NKAIN2: variants seen among roughly 807,000 people sequenced by gnomAD.
The protein encoded by NKAIN2 is sodium/potassium-transporting ATPase subunit beta-1-interacting protein 2.
A neutral mutation model predicts 32.6 loss-of-function variants in NKAIN2; 14 were observed. The observed-to-expected ratio is 0.43, with a 90% CI of 0.28 to 0.67. The LOEUF (loss-of-function observed/expected upper bound fraction) is 0.67. Among genes scored for constraint, NKAIN2 ranks in the 30% least tolerant of loss-of-function variants. The pLI is 0.17. For synonymous variants in NKAIN2, 80 were observed against 87.2 expected (o/e 0.92, Z 0.46); for missense variants, 198 against 258.3 (o/e 0.77, Z 1.60).
At chr6:124,138,744 C>G (rs1786973512) in intron 1 of NKAIN2, among the ~76,000 whole-genome samples, 1 of 144,132 alleles carries the variant, frequency 6.9e-6, no homozygotes, top group South Asian at 2.2e-4. Context: ...TATGATGGAA[C>G]AGTGTTCAGC....
intron 1 of NKAIN2, among the ~76,000 whole-genome samples, chr6:123,911,787 A>ATATT (rs1554222342): frequency 1.4e-5 from 1 of 71,282 alleles, no homozygotes; most frequent in East Asian, 5.6e-4. Context: ...ACATACATAT[A>ATATT]TATATATATA....
At chr6:124,078,260 C>A (rs967913756) in intron 1 of NKAIN2, among the ~76,000 whole-genome samples, 3 of 151,826 alleles carry the variant, frequency 2.0e-5, no homozygotes, top group African/African-American at 7.3e-5. Flanking sequence ...TTAGATTTTA[C>A]AGTTGTTGCT....
At chr6:124,807,023 C>A (rs1257783786) in intron 5 of NKAIN2, among the ~76,000 whole-genome samples, 2 of 152,244 alleles carry the variant, frequency 1.3e-5, no homozygotes, top group Non-Finnish European at 2.9e-5. Context: ...GACTTACACT[C>A]CCACACATTA....
intron 1 of NKAIN2, among the ~76,000 whole-genome samples, chr6:124,204,257 C>A (rs930837738): frequency 4.6e-5 from 7 of 151,718 alleles, no homozygotes; most frequent in Non-Finnish European, 1.0e-4. Flanking sequence ...TTACATTTTG[C>A]AAAAGTTGAC....
chr6:123,999,425 A>G (rs1410888928), intron 1 of NKAIN2, among the ~76,000 whole-genome samples: 1 of 152,130 alleles, frequency 6.6e-6, no homozygotes, highest in Non-Finnish European at 1.5e-5. Flanking sequence ...CACTTGGCCT[A>G]CTGTATTGCT....
intron 4 of NKAIN2, among the ~76,000 whole-genome samples, chr6:124,708,273 T>C (rs1054120454): frequency 2.0e-5 from 3 of 150,856 alleles, no homozygotes; most frequent in Admixed American, 6.6e-5. Flanking sequence ...AGTCAGGTAG[T>C]GTGATGCCTC....
In NKAIN2 at chr6:124,713,702, A is replaced by G. The variant is rs571390577; in HGVS notation, c.474+55316A>G. 1.2e-4 allele frequency among the ~76,000 whole-genome samples: 19 copies of G among 152,324 alleles called. No homozygotes were observed. In the South Asian group the frequency reaches 3.9e-3, roughly 32 times the overall value. On this transcript the variant is annotated intron_variant, in intron 4 of 6. Coordinates refer to ENST00000368417, the MANE Select transcript of NKAIN2 (RefSeq NM_001040214.3). ...GGTGGCTGTCTTCACATGTTAGAAA[A>G]GCAGTCTTTTAGAAGAGGAATAAGT...
intron 1 of NKAIN2, among the ~76,000 whole-genome samples, chr6:124,066,334 C>T (rs189778272): frequency 3.3e-5 from 5 of 152,234 alleles, no homozygotes; most frequent in Admixed American, 2.6e-4. Flanking sequence ...TCAAGCATTG[C>T]ACCCATTTTG....
intron 1 of NKAIN2, among the ~76,000 whole-genome samples, chr6:124,042,761 A>G (rs1432092814): frequency 1.3e-5 from 2 of 152,110 alleles, no homozygotes; most frequent in African/African-American, 4.8e-5. Flanking sequence ...AAATTTTAAG[A>G]AACTTGGAGA....
At chr6:124,708,716 T>G (rs1775250773) in intron 4 of NKAIN2, among the ~76,000 whole-genome samples, 2 of 152,146 alleles carry the variant, frequency 1.3e-5, no homozygotes, top group Admixed American at 6.5e-5. Flanking sequence ...TGAAGTTGCT[T>G]ATCAGCTTAA....
intron 1 of NKAIN2, among the ~76,000 whole-genome samples, chr6:123,875,947 A>G (rs966920338): frequency 6.6e-6 from 1 of 152,088 alleles, no homozygotes; most frequent in Non-Finnish European, 1.5e-5. Flanking sequence ...TATATACCCC[A>G]GGAAGTTTCA....
At chr6:124,616,096 G>C (rs1782876038) in intron 3 of NKAIN2, among the ~76,000 whole-genome samples, 1 of 151,588 alleles carries the variant, frequency 6.6e-6, no homozygotes, top group Admixed American at 6.6e-5. Flanking sequence ...TTTTTCTTTT[G>C]TATTCTTCCC....
chr6:124,033,075 GCAAA>G (rs1386142998), intron 1 of NKAIN2, among the ~76,000 whole-genome samples: 1 of 152,064 alleles, frequency 6.6e-6, no homozygotes, highest in African/African-American at 2.4e-5. Flanking sequence ...CCAGAGGAAA[GCAAA>G]TAGATTTCTC....
At chr6:124,101,549 T>C (rs1192679094) in intron 1 of NKAIN2, among the ~76,000 whole-genome samples, 1 of 152,164 alleles carries the variant, frequency 6.6e-6, no homozygotes, top group Non-Finnish European at 1.5e-5. Context: ...TTGTTATAAA[T>C]TTATTCTTGA....
intron 1 of NKAIN2, among the ~76,000 whole-genome samples, chr6:124,154,620 A>G (rs1458123004): frequency 6.6e-6 from 1 of 152,022 alleles, no homozygotes; most frequent in Non-Finnish European, 1.5e-5. Flanking sequence ...GTATATATTT[A>G]AAGTGTAAGC....
intron 1 of NKAIN2, among the ~76,000 whole-genome samples, chr6:123,885,465 G>A (rs572860963): frequency 6.6e-6 from 1 of 152,182 alleles, no homozygotes; most frequent in South Asian, 2.1e-4. Flanking sequence ...TTTTGTCATT[G>A]ATCAGATTTT....
chr6:124,012,614 A>G (rs1780388544), intron 1 of NKAIN2, among the ~76,000 whole-genome samples: 1 of 152,014 alleles, frequency 6.6e-6, no homozygotes, highest in Non-Finnish European at 1.5e-5. Flanking sequence ...GATTATAGGC[A>G]TACTCTACAT....
intron 1 of NKAIN2, among the ~76,000 whole-genome samples, chr6:124,195,138 A>C (rs1427425136): frequency 1.3e-5 from 2 of 151,724 alleles, no homozygotes; most frequent in Admixed American, 6.6e-5. Flanking sequence ...TACTTATTAT[A>C]TTCCTTTGAA....
At chr6:124,604,505 T>C (rs1782425592) in intron 3 of NKAIN2, among the ~76,000 whole-genome samples, 1 of 151,944 alleles carries the variant, frequency 6.6e-6, no homozygotes, top group South Asian at 2.1e-4. Flanking sequence ...TTTACTTCTT[T>C]TTGTGTCTTC....
Sources: gnomAD v4.1 joint callset for allele counts (sites outside exome capture counted in the v4.1 genomes callset) on GRCh38, gnomAD v4.1.1 for gene constraint, MANE v1.5 for transcripts, NCBI Gene and HGNC (gene_info 2026-07-23, HGNC 2026-07-21) for gene names.